The following DNAH14 variants were observed in gnomAD, a reference collection of about 807,000 sequenced individuals.
The protein encoded by DNAH14 is dynein axonemal heavy chain 14, also known as axonemal beta dynein heavy chain 14.
In DNAH14, 478 loss-of-function variants were observed where a neutral mutation model predicts 520.9. The ratio of observed to expected loss-of-function variants is 0.92; its 90% confidence interval spans 0.85 to 0.99. DNAH14 has a LOEUF of 0.99. Ranked by LOEUF, DNAH14 falls within the 50% of genes least tolerant of loss-of-function variation. DNAH14 has a pLI of 0.00. For missense variants in DNAH14, 4,831 were observed against 5,234.5 expected (o/e 0.92, Z 2.38); for synonymous variants, 1,581 against 1,757.2 (o/e 0.90, Z 2.51).
intron 17 of DNAH14, among the ~76,000 whole-genome samples, chr1:225,059,489 G>A (rs1331757414): frequency 6.6e-6 from 1 of 152,174 alleles, no homozygotes; most frequent in African/African-American, 2.4e-5. Flanking sequence ...CATTTTGCCA[G>A]TGTGTGTCTT....
At chr1:225,172,786 A>G (rs1027174012) in intron 36 of DNAH14, among the ~76,000 whole-genome samples, 3 of 152,220 alleles carry the variant, frequency 2.0e-5, no homozygotes, top group Non-Finnish European at 2.9e-5. Context: ...ACCAAAAAAG[A>G]GCCCGCATTG....
rs2087508413 is a variant in DNAH14 at position 225,206,020 on chromosome 1, G to A, written c.6027G>A (p.Trp2009Ter). Residue 2009 changes from tryptophan to a stop codon, truncating the protein, a stop_gained, in exon 40 of 86, where the codon TGG (tryptophan) becomes TGA (stop). Transcript: ENST00000682510. LOFTEE classifies it high-confidence loss of function. The stretch of plus-strand genomic sequence containing the variant: ...TAGATGGCCCAGTGGACACCTTTTG[G>A]GTAGAAAATCTGAACTCTGTGCTAG... ...IILDGPVDTF[W>*]VENLNSVLDD... 2 of 1,551,380 alleles carry A rather than the reference G, an allele frequency of 1.3e-6. No homozygotes were observed. Among genetic ancestry groups the A allele is most frequent in the African/African-American group, 2.7e-5 (2 of 72,956 alleles).
chr1:225,269,817 G>GA (rs2093257068), intron 49 of DNAH14, among the ~76,000 whole-genome samples: 1 of 152,148 alleles, frequency 6.6e-6, no homozygotes. Flanking sequence ...AAAAAGTCAG[G>GA]AAACAACAGG....
rs543075313 is a variant in DNAH14 at position 225,277,466 on chromosome 1, A to G, written c.8235A>G (p.Thr2745=). The G allele has an allele frequency of 6.2e-4, 293 of 470,990 alleles. 7 individuals are homozygous for G. The highest frequency in any genetic ancestry group is 4.4e-3 in the South Asian group (283 of 64,510). The allele number at this position is 470,990 out of a possible 1,614,324, so 29.2% of individuals were successfully genotyped here. A position where few individuals can be genotyped will look rare whatever the true frequency, so the allele number is the denominator to read the frequency against. Residue 2745 remains threonine (T), a synonymous_variant, in exon 54 of 86, where the codon ACA becomes ACG. Coordinates refer to ENST00000682510, the MANE Select transcript of DNAH14 (RefSeq NM_001367479.1). The stretch of plus-strand genomic sequence containing the variant: ...CCATAGAACACATCATAAGAGCAAC[A>G]AGGGTTCTTCGACAACCAGGGAGTC... The part of the protein sequence containing the change: ...KEAIEHIIRA[T]RVLRQPGSHM...
At chr1:225,343,741 G>A (rs946992185) in intron 69 of DNAH14, among the ~76,000 whole-genome samples, 5 of 151,924 alleles carry the variant, frequency 3.3e-5, no homozygotes, top group Admixed American at 3.3e-4. Context: ...TGAATAAATT[G>A]TGTTTCTAGT....
intron 35 of DNAH14, among the ~76,000 whole-genome samples, chr1:225,167,281 G>T (rs116308248): frequency 0.018 from 2,777 of 152,298 alleles, 42 homozygotes; most frequent in Non-Finnish European, 0.027. Flanking sequence ...GAATGGAAGA[G>T]ATCTGTGAGA....
At chr1:225,315,229 C>T (rs1055275294) in intron 60 of DNAH14, among the ~76,000 whole-genome samples, 11 of 151,402 alleles carry the variant, frequency 7.3e-5, no homozygotes, top group South Asian at 2.1e-4. Flanking sequence ...TTGATTGATT[C>T]GGCTACTGAT....
intron 81 of DNAH14, among the ~76,000 whole-genome samples, chr1:225,388,113 G>A (rs2095863220): frequency 6.6e-6 from 1 of 152,104 alleles, no homozygotes; most frequent in Non-Finnish European, 1.5e-5. Context: ...GTGAGGAAAT[G>A]AAAAGATTTG....
Position 225,082,575 on chromosome 1 carries a change from CA to C in DNAH14, c.3164del (p.His1055LeufsTer6). The stretch of plus-strand genomic sequence containing the variant: ...TTTACCTAAAAGCGATATGGTAACA[CA>C]TCTTAAGCAAGTGGTAACAGAGTTT... ...KGLPKSDMVT[H>X]LKQVVTEFKQ... is the part of the protein sequence containing the mutation. On this transcript the variant is annotated frameshift_variant, in exon 20 of 86. Transcript: ENST00000682510. LOFTEE classifies it high-confidence loss of function. 6.4e-7 allele frequency: 1 copy of C among 1,551,162 alleles called. No individual in the cohort carries two copies. Among genetic ancestry groups the C allele is most frequent in the Non-Finnish European group, 8.7e-7 (1 of 1,146,772 alleles).
At chr1:225,159,099 G>T (rs1346249668) in intron 34 of DNAH14, among the ~76,000 whole-genome samples, 1 of 152,142 alleles carries the variant, frequency 6.6e-6, no homozygotes. Context: ...TCTGGGGATT[G>T]GTGTTGCTCT....
rs1558767678 is a variant in DNAH14 at position 225,042,886 on chromosome 1, A to G, written c.1540A>G (p.Ile514Val). 1 of 1,551,520 alleles carries G rather than the reference A, an allele frequency of 6.4e-7. No homozygotes were observed. Among genetic ancestry groups the G allele is most frequent in the Non-Finnish European group, 8.7e-7 (1 of 1,146,976 alleles). Reference sequence around the variant, plus strand: ...GGATTTGAGAAAAACATATGCACCAATATTTGAAGTAAATCTATGCTTGAG... The same window carrying G: ...GGATTTGAGAAAAACATATGCACCAGTATTTGAAGTAAATCTATGCTTGAG... ...GKDLRKTYAP[I>V]FEVNLCLRIP... The change falls in exon 13 of 86, where the codon ATA (isoleucine) becomes GTA (valine). Residue 514 changes from isoleucine (I) to valine (V), a missense_variant. Physicochemically the swap from Ile to Val is conservative, Grantham distance 29. Coordinates refer to ENST00000682510, the MANE Select transcript of DNAH14 (RefSeq NM_001367479.1).
chr1:225,095,235 CGT>C (rs1321605080), intron 21 of DNAH14, among the ~76,000 whole-genome samples: 1 of 152,088 alleles, frequency 6.6e-6, no homozygotes, highest in Non-Finnish European at 1.5e-5. Context: ...ATAGCAAAGA[CGT>C]GGAATTAACC....
At chr1:225,079,764 C>T (rs142822309) in intron 18 of DNAH14, among the ~76,000 whole-genome samples, 2 of 150,952 alleles carry the variant, frequency 1.3e-5, no homozygotes, top group Non-Finnish European at 2.9e-5. Flanking sequence ...AGCTCCGCCT[C>T]CCGGGTTCAC....
At chr1:225,055,692 C>CA (rs2068977831) in intron 17 of DNAH14, among the ~76,000 whole-genome samples, 1 of 143,854 alleles carries the variant, frequency 7.0e-6, no homozygotes, top group African/African-American at 2.6e-5. Context: ...CCCCCTCCCC[C>CA]ACCACACAAT....
At chr1:225,333,241 C>T in intron 65 of DNAH14, 50 bp from the exon 66 acceptor site, 1 of 1,355,820 alleles carries the variant, frequency 7.4e-7, no homozygotes, top group Non-Finnish European at 1.0e-6. Flanking sequence ...TAAAATATCT[C>T]ATGATAATAT....
intron 1 of DNAH14, among the ~76,000 whole-genome samples, chr1:224,943,097 A>G (rs2059540284): frequency 6.6e-6 from 1 of 152,198 alleles, no homozygotes; most frequent in Non-Finnish European, 1.5e-5. Context: ...TCTTCCTTGT[A>G]CTTCTGGTAG....
chr1:225,250,200 A>G (rs1336546437), intron 43 of DNAH14, among the ~76,000 whole-genome samples: 1 of 152,208 alleles, frequency 6.6e-6, no homozygotes, highest in Non-Finnish European at 1.5e-5. Flanking sequence ...TACCAACAAT[A>G]TATTAGGGTT....
At chr1:225,055,435 T>A (rs77187123) in intron 17 of DNAH14, among the ~76,000 whole-genome samples, 8,027 of 152,236 alleles carry the variant, frequency 0.053, 622 homozygotes, top group African/African-American at 0.17. Flanking sequence ...CATAGTTTAC[T>A]GTAACCTCAA....
chr1:225,301,637 C>A (rs1020486230), intron 56 of DNAH14, among the ~76,000 whole-genome samples: 1 of 152,100 alleles, frequency 6.6e-6, no homozygotes, highest in Non-Finnish European at 1.5e-5. Context: ...GACATGATTA[C>A]CCAAACTAGA....
Sources: allele counts gnomAD v4.1 joint callset (sites outside exome capture counted in the v4.1 genomes callset), GRCh38; gene constraint gnomAD v4.1.1; transcripts MANE v1.5; gene names NCBI Gene and HGNC (gene_info 2026-07-23, HGNC 2026-07-21).